Variants in ITGA4 observed in about 807,000 individuals in gnomAD.
ITGA4 encodes integrin subunit alpha 4.
In ITGA4, 63 loss-of-function variants were observed where a neutral mutation model predicts 133.6. The observed-to-expected ratio is 0.47, with a 90% CI of 0.38 to 0.58. The LOEUF (loss-of-function observed/expected upper bound fraction) is 0.58. ITGA4 is among the 20% of genes least tolerant of loss of function. The pLI, the probability that ITGA4 is intolerant of heterozygous loss-of-function variation, is 0.00. For synonymous variants in ITGA4, 483 were observed against 438.0 expected, an observed-to-expected ratio of 1.10 and a Z score of -1.28; for missense variants, 1,076 against 1,252.7, an observed-to-expected ratio of 0.86 and a Z score of 2.13.
chr2:181,488,698 A>C (rs1302339888), intron 10 of ITGA4, among the ~76,000 whole-genome samples: 1 of 151,934 alleles, frequency 6.6e-6, no homozygotes, highest in African/African-American at 2.4e-5. Flanking sequence ...AGCTGGGACT[A>C]CAGGCACCCG....
intron 17 of ITGA4, among the ~76,000 whole-genome samples, chr2:181,519,498 TGAAGTGTCCATTTTCTTA>T (rs1036771293): frequency 6.6e-6 from 1 of 152,292 alleles, no homozygotes; most frequent in Non-Finnish European, 1.5e-5. Flanking sequence ...TAGCATTAAG[TGAAGTGTCCATTTTCTTA>T]GAAGTTACAT....
intron 4 of ITGA4, 86 bp downstream of exon 4, chr2:181,475,374 T>A: frequency 9.2e-7 from 1 of 1,084,146 alleles, no homozygotes; most frequent in East Asian, 2.4e-5. Flanking sequence ...AGTTTAGATG[T>A]TCAGAGGAGA....
intron 2 of ITGA4, among the ~76,000 whole-genome samples, chr2:181,467,107 CT>C (rs1447715427): frequency 1.3e-5 from 2 of 151,882 alleles, no homozygotes; most frequent in African/African-American, 4.8e-5. Flanking sequence ...ATGAATGACT[CT>C]TTATAAAATA....
intron 25 of ITGA4, among the ~76,000 whole-genome samples, chr2:181,534,005 A>AACTT (rs1244478711): frequency 6.6e-6 from 1 of 152,226 alleles, no homozygotes; most frequent in African/African-American, 2.4e-5. Flanking sequence ...GGTAAATGGT[A>AACTT]ACTTACCTCT....
At chr2:181,465,649 A>AT (rs1240838710) in intron 2 of ITGA4, among the ~76,000 whole-genome samples, 1 of 152,066 alleles carries the variant, frequency 6.6e-6, no homozygotes, top group African/African-American at 2.4e-5. Context: ...TTCTTTCCTT[A>AT]TTTTCTAATG....
At chr2:181,465,338 A>G (rs1685385350) in intron 2 of ITGA4, among the ~76,000 whole-genome samples, 1 of 152,074 alleles carries the variant, frequency 6.6e-6, no homozygotes, top group South Asian at 2.1e-4. Flanking sequence ...AATATGATAC[A>G]TTCCTCACTG....
intron 6 of ITGA4, among the ~76,000 whole-genome samples, 157 bp from the exon 7 acceptor site, chr2:181,481,437 TAATG>T (rs1165240291): frequency 8.5e-5 from 13 of 152,286 alleles, no homozygotes; most frequent in East Asian, 1.9e-4. Context: ...GCATAAAACA[TAATG>T]AATGACCAAT....
intron 15 of ITGA4, among the ~76,000 whole-genome samples, chr2:181,503,931 C>T (rs1164583341): frequency 6.6e-6 from 1 of 152,046 alleles, no homozygotes; most frequent in Non-Finnish European, 1.5e-5. Context: ...GAAACCCAAA[C>T]TGTAACTTGA....
chr2:181,483,756 A>C (rs755974833), intron 9 of ITGA4, among the ~76,000 whole-genome samples: 9 of 152,284 alleles, frequency 5.9e-5, no homozygotes, highest in South Asian at 2.1e-4. Context: ...TTCCATTTCT[A>C]TCTCCAAAAA....
intron 2 of ITGA4, among the ~76,000 whole-genome samples, chr2:181,473,275 G>T (rs1685598160): frequency 6.6e-6 from 1 of 152,218 alleles, no homozygotes; most frequent in African/African-American, 2.4e-5. Context: ...GGTGGCATTA[G>T]ATTCTCGTAG....
rs140753941 is a variant in ITGA4, at chr2:181,506,031, T to G, written c.1696-3627T>G. Among the ~76,000 whole-genome samples the G allele has an allele frequency of 4.9e-3, 744 of 152,232 alleles. 8 individuals are homozygous for G. The highest frequency in any genetic ancestry group is 0.017 in the African/African-American group (708 of 41,574). On this transcript the variant is annotated intron_variant, in intron 15 of 27. Coordinates refer to ENST00000397033, the MANE Select transcript of ITGA4 (RefSeq NM_000885.6). ...ATACGGTCAAAGTTTCATGTTGAGA[T>G]GATCACTTACCAAGTAATTTAATAT...
chr2:181,480,477 C>G (rs1488457761), intron 6 of ITGA4, among the ~76,000 whole-genome samples: 2 of 151,994 alleles, frequency 1.3e-5, no homozygotes, highest in African/African-American at 4.8e-5. Flanking sequence ...CTAAAATCAT[C>G]AATATATAAT....
chr2:181,461,000 A>G lies in ITGA4; in HGVS notation c.319+2683A>G, dbSNP rs528923239. 6.3e-4 allele frequency among the ~76,000 whole-genome samples: 95 copies of G among 151,882 alleles called. 1 individual carries two copies. In the South Asian group the frequency reaches 0.019, roughly 31 times the overall value. ...AGAACCTGAAGGTGTAGGGTCTTCA[A>G]ATGGTGCCCATCTCCCACACAATTA... On this transcript the variant is annotated intron_variant, in intron 2 of 27. Transcript: ENST00000397033.
intron 25 of ITGA4, among the ~76,000 whole-genome samples, chr2:181,532,991 C>T (rs1320461855): frequency 6.6e-6 from 1 of 151,684 alleles, no homozygotes; most frequent in East Asian, 1.9e-4. Context: ...AAAAATATAG[C>T]TAAGAAGAAA....
At chr2:181,458,601 G>T in intron 2 of ITGA4, 1 of 415,244 alleles carries the variant, frequency 2.4e-6, no homozygotes, top group Non-Finnish European at 4.5e-6. Flanking sequence ...CCGTCTCTCC[G>T]TGTGTAAAGC....
chr2:181,518,958 C>G (rs775034429), intron 17 of ITGA4, among the ~76,000 whole-genome samples: 2 of 151,912 alleles, frequency 1.3e-5, no homozygotes, highest in Non-Finnish European at 2.9e-5. Context: ...ATAAGAATCT[C>G]TCCTAGATAG....
intron 4 of ITGA4, chr2:181,476,034 C>A (rs538778293): frequency 1.2e-4 from 97 of 830,916 alleles, no homozygotes; most frequent in Non-Finnish European, 1.5e-4. Context: ...TATTGGTTGG[C>A]AAAACTTTGG....
intron 14 of ITGA4, among the ~76,000 whole-genome samples, chr2:181,497,611 A>G (rs1325866332): frequency 2.6e-5 from 4 of 152,168 alleles, no homozygotes; most frequent in Non-Finnish European, 5.9e-5. Flanking sequence ...AAAGAGTAAT[A>G]TAGATTTTAT....
chr2:181,534,451 T>A (rs1687012159), intron 26 of ITGA4, 81 bp downstream of exon 26: 3 of 875,146 alleles, frequency 3.4e-6, no homozygotes, highest in South Asian at 1.5e-5. Context: ...TCCTTCTGAG[T>A]AACTGAGTTG....
Sources: allele counts gnomAD v4.1 joint callset (sites outside exome capture counted in the v4.1 genomes callset), GRCh38; gene constraint gnomAD v4.1.1; transcripts MANE v1.5; gene names NCBI Gene and HGNC (gene_info 2026-07-23, HGNC 2026-07-21).